The following AFF2 variants were observed in gnomAD, a reference collection of about 807,000 sequenced individuals.
The protein encoded by AFF2 is AF4/FMR2 family member 2.
A neutral mutation model predicts 76.9 loss-of-function variants in AFF2; 14 were observed. That is an observed-to-expected ratio of 0.18 (90% CI 0.12 to 0.28). The LOEUF is 0.28. Ranked by LOEUF, AFF2 falls within the 10% of genes least tolerant of loss-of-function variation. The pLI, the probability that AFF2 is intolerant of heterozygous loss-of-function variation, is 1.00. For missense variants in AFF2, 868 were observed against 1,001.1 expected (o/e 0.87, Z 1.79); for synonymous variants, 398 against 366.7 (o/e 1.09, Z -0.98).
At chrX:148,612,423 A>T (rs1013927657) in intron 1 of AFF2, among the ~76,000 whole-genome samples, 2 of 112,458 alleles carry the variant, frequency 1.8e-5, no homozygotes, top group Non-Finnish European at 3.8e-5. Flanking sequence ...GCTATTGAAT[A>T]TACATTGCTT....
chrX:148,535,996 C>A (rs1347156293), intron 1 of AFF2, among the ~76,000 whole-genome samples: 1 of 111,197 alleles, frequency 9.0e-6, no homozygotes, highest in African/African-American at 3.3e-5. Flanking sequence ...CCAAGGCAGG[C>A]GGATCACCAG....
At chrX:148,584,804 G>T (rs1557245650) in intron 1 of AFF2, among the ~76,000 whole-genome samples, 1 of 110,792 alleles carries the variant, frequency 9.0e-6, no homozygotes, top group Non-Finnish European at 1.9e-5. Flanking sequence ...CTCCCATTGT[G>T]CTGGGATTAC....
chrX:148,606,039 C>T (rs1282032732), intron 1 of AFF2, among the ~76,000 whole-genome samples: 2 of 112,404 alleles, frequency 1.8e-5, no homozygotes, highest in Non-Finnish European at 1.9e-5. Flanking sequence ...CTTGAACTCT[C>T]TGATGTGATG....
intron 1 of AFF2, among the ~76,000 whole-genome samples, chrX:148,566,059 A>G (rs1180575767): frequency 9.0e-6 from 1 of 111,398 alleles, no homozygotes; most frequent in East Asian, 2.8e-4. Flanking sequence ...CTAATTGTTT[A>G]CTCTCTGCCA....
At chrX:148,578,027 A>C (rs1249042498) in intron 1 of AFF2, among the ~76,000 whole-genome samples, 2 of 112,355 alleles carry the variant, frequency 1.8e-5, no homozygotes, top group South Asian at 3.6e-4. Flanking sequence ...CAAATCCCCA[A>C]ATTCTTTCTT....
intron 3 of AFF2, among the ~76,000 whole-genome samples, chrX:148,694,175 C>CGGGG (rs67194871): frequency 8.2e-5 from 6 of 72,852 alleles, no homozygotes; most frequent in Admixed American, 1.6e-4. Context: ...GTTGTGGGGT[C>CGGGG]GGGGGGGGGG....
intron 3 of AFF2, among the ~76,000 whole-genome samples, chrX:148,682,669 A>G (rs2054563218): frequency 8.9e-6 from 1 of 111,940 alleles, no homozygotes; most frequent in Non-Finnish European, 1.9e-5. Context: ...TAGGATCTAC[A>G]TAATGGCTCA....
At chrX:148,861,949 G>A (rs1446834369) in intron 7 of AFF2, among the ~76,000 whole-genome samples, 1 of 110,751 alleles carries the variant, frequency 9.0e-6, no homozygotes, top group Non-Finnish European at 1.9e-5. Context: ...TCTTTTGTGA[G>A]GAGCCTTTTG....
At chrX:148,830,999 C>T (rs948537095) in intron 4 of AFF2, among the ~76,000 whole-genome samples, 1 of 112,147 alleles carries the variant, frequency 8.9e-6, no homozygotes, top group Admixed American at 9.4e-5. Flanking sequence ...AATGCATTCT[C>T]CTTCTCAGGG....
chrX:148,966,251 G>A (rs1194040571), intron 13 of AFF2, among the ~76,000 whole-genome samples: 1 of 111,528 alleles, frequency 9.0e-6, no homozygotes, highest in African/African-American at 3.3e-5. Flanking sequence ...CCAGGGCAGG[G>A]ATGATTAGAG....
At chrX:148,544,122 G>T (rs2052892804) in intron 1 of AFF2, among the ~76,000 whole-genome samples, 1 of 112,143 alleles carries the variant, frequency 8.9e-6, no homozygotes, top group Non-Finnish European at 1.9e-5. Context: ...TTGCCAGGCA[G>T]CAAGATAAGG....
chrX:148,849,993 G>C (rs1014079496), intron 7 of AFF2, among the ~76,000 whole-genome samples: 2 of 111,147 alleles, frequency 1.8e-5, no homozygotes, highest in Non-Finnish European at 3.8e-5. Context: ...TATTATAACT[G>C]AGTTAGGTCT....
At chrX:148,531,791 C>A (rs1314399088) in intron 1 of AFF2, among the ~76,000 whole-genome samples, 1 of 112,247 alleles carries the variant, frequency 8.9e-6, no homozygotes, top group East Asian at 2.8e-4. Flanking sequence ...ATTTTAACAG[C>A]TACACAAGTC....
chrX:148,787,880 TAA>T (rs2069842531), intron 3 of AFF2, among the ~76,000 whole-genome samples: 1 of 112,366 alleles, frequency 8.9e-6, no homozygotes. Context: ...TTGTCATCAA[TAA>T]AAAGACTCTA....
intron 8 of AFF2, among the ~76,000 whole-genome samples, chrX:148,887,126 G>A (rs2071168477): frequency 8.9e-6 from 1 of 112,469 alleles, no homozygotes; most frequent in Admixed American, 9.4e-5. Flanking sequence ...AAAAATAATT[G>A]CATCTTTGCA....
intron 3 of AFF2, among the ~76,000 whole-genome samples, chrX:148,702,275 G>A (rs797027459): frequency 9.0e-6 from 1 of 111,460 alleles, no homozygotes; most frequent in Non-Finnish European, 1.9e-5. Flanking sequence ...TATATGGCTT[G>A]GAAATAGGAA....
intron 1 of AFF2, among the ~76,000 whole-genome samples, chrX:148,576,330 G>C (rs1244975220): frequency 4.5e-5 from 5 of 111,825 alleles, no homozygotes; most frequent in Non-Finnish European, 9.4e-5. Flanking sequence ...GATCCTATCA[G>C]AGGAATGAGC....
intron 3 of AFF2, among the ~76,000 whole-genome samples, chrX:148,736,412 A>G (rs2055285869): frequency 9.0e-6 from 1 of 111,098 alleles, no homozygotes; most frequent in Non-Finnish European, 1.9e-5. Context: ...TCATTTGTAT[A>G]TCTTCTTTTG....
At chrX:148,770,029 A>C (rs1557267998) in intron 3 of AFF2, among the ~76,000 whole-genome samples, 1 of 111,727 alleles carries the variant, frequency 9.0e-6, no homozygotes, top group African/African-American at 3.3e-5. Context: ...CATCCATCTG[A>C]CATACATTTG....
Sources: allele counts gnomAD v4.1 joint callset (sites outside exome capture counted in the v4.1 genomes callset), GRCh38; gene constraint gnomAD v4.1.1; transcripts MANE v1.5; gene names NCBI Gene and HGNC (gene_info 2026-07-23, HGNC 2026-07-21).